The following PDE4B variants were observed in gnomAD, a reference collection of about 807,000 sequenced individuals.
The protein encoded by PDE4B is 3',5'-cyclic-AMP phosphodiesterase 4B.
In PDE4B, 20 loss-of-function variants were observed where a neutral mutation model predicts 82.2. The ratio of observed to expected loss-of-function variants is 0.24; its 90% CI spans 0.17 to 0.35. The LOEUF (loss-of-function observed/expected upper bound fraction) is 0.35. PDE4B is among the 10% of genes least tolerant of loss of function. The pLI is 1.00. For synonymous variants in PDE4B, 320 were observed against 318.9 expected, an observed-to-expected ratio of 1.00 and a Z score of -0.04; for missense variants, 655 against 907.2, an observed-to-expected ratio of 0.72 and a Z score of 3.57.
intron 1 of PDE4B, among the ~76,000 whole-genome samples, chr1:65,845,826 C>T (rs1452846667): frequency 6.6e-6 from 1 of 152,132 alleles, no homozygotes; most frequent in African/African-American, 2.4e-5. Flanking sequence ...TTCTGCATCT[C>T]CTTTCTCCGG....
chr1:65,879,494 T>C (rs1646686439), intron 1 of PDE4B, among the ~76,000 whole-genome samples: 1 of 152,114 alleles, frequency 6.6e-6, no homozygotes, highest in African/African-American at 2.4e-5. Context: ...TAAATATGTA[T>C]AAAATGTATT....
chr1:65,883,476 A>C (rs552061296), intron 1 of PDE4B, among the ~76,000 whole-genome samples: 88 of 152,140 alleles, frequency 5.8e-4, no homozygotes, highest in African/African-American at 1.7e-3. Context: ...TTGGTGTATA[A>C]GAATGCTTGT....
chr1:65,949,633 C>T (rs1036667099), intron 3 of PDE4B, among the ~76,000 whole-genome samples: 1 of 152,050 alleles, frequency 6.6e-6, no homozygotes, highest in African/African-American at 2.4e-5. Flanking sequence ...TTCTGCTTTA[C>T]CTGTCCCAAC....
intron 3 of PDE4B, among the ~76,000 whole-genome samples, chr1:66,028,347 G>A (rs1653567421): frequency 6.6e-6 from 1 of 152,138 alleles, no homozygotes; most frequent in Admixed American, 6.5e-5. Context: ...GCTACACACA[G>A]CATAGGGAAC....
At chr1:65,841,173 C>T (rs556384174) in intron 1 of PDE4B, among the ~76,000 whole-genome samples, 1 of 152,140 alleles carries the variant, frequency 6.6e-6, no homozygotes, top group East Asian at 1.9e-4. Flanking sequence ...TGGCACATGC[C>T]TGTAATCCCA....
At chr1:65,935,482 A>G (rs562839325) in intron 3 of PDE4B, among the ~76,000 whole-genome samples, 22 of 152,294 alleles carry the variant, frequency 1.4e-4, no homozygotes, top group African/African-American at 5.3e-4. Context: ...GGATGTTACT[A>G]TACACTACTA....
intron 3 of PDE4B, among the ~76,000 whole-genome samples, chr1:66,203,697 A>C (rs967082041): frequency 6.6e-6 from 1 of 152,114 alleles, no homozygotes; most frequent in Non-Finnish European, 1.5e-5. Flanking sequence ...TTTCAGCTCC[A>C]TCAGCTCCTT....
intron 3 of PDE4B, among the ~76,000 whole-genome samples, chr1:65,928,675 GTGTA>G (rs779489138): frequency 3.6e-4 from 55 of 152,272 alleles, no homozygotes; most frequent in Non-Finnish European, 4.1e-4. Context: ...TTGGTCAAGG[GTGTA>G]TCTTCTGGAC....
intron 7 of PDE4B, among the ~76,000 whole-genome samples, chr1:66,327,373 A>C (rs1210662305): frequency 6.6e-6 from 1 of 152,258 alleles, no homozygotes; most frequent in Non-Finnish European, 1.5e-5. Flanking sequence ...TTACACAGAC[A>C]CACAAACACA....
In PDE4B at chr1:66,266,019, C is replaced by A; in HGVS notation, c.585-19C>A. The A allele has an allele frequency of 1.2e-6, 2 of 1,608,000 alleles. No homozygotes were observed. The highest frequency in any genetic ancestry group is 1.7e-6 in the Non-Finnish European group (2 of 1,174,518). ...GTTTTGATACACAGACTCAGTCCTT[C>A]TTTTCTCTGTCTCCACAGGAGGTCC... On this transcript the variant is annotated intron_variant, in intron 6 of 16. Coordinates refer to ENST00000341517, the MANE Select transcript of PDE4B (RefSeq NM_002600.4).
At chr1:66,005,111 C>A (rs1416377567) in intron 3 of PDE4B, among the ~76,000 whole-genome samples, 1 of 152,076 alleles carries the variant, frequency 6.6e-6, no homozygotes, top group South Asian at 2.1e-4. Flanking sequence ...AGGTGTATTT[C>A]GGTATATGTA....
chr1:66,248,367 G>A (rs2101677974), intron 4 of PDE4B, among the ~76,000 whole-genome samples: 1 of 152,280 alleles, frequency 6.6e-6, no homozygotes, highest in South Asian at 2.1e-4. Context: ...AGATACAATT[G>A]TTTTTATATT....
chr1:65,941,552 ACCT>A (rs1257417936), intron 3 of PDE4B, among the ~76,000 whole-genome samples: 1 of 151,922 alleles, frequency 6.6e-6, no homozygotes, highest in Non-Finnish European at 1.5e-5. Flanking sequence ...TTTAAGATAT[ACCT>A]CATGAAATAG....
chr1:66,241,420 C>T (rs887470851), intron 3 of PDE4B, among the ~76,000 whole-genome samples: 1 of 152,110 alleles, frequency 6.6e-6, no homozygotes, highest in Non-Finnish European at 1.5e-5. Flanking sequence ...AAGTGATAGC[C>T]AATATAATCA....
At chr1:66,270,918 G>C (rs1022485721) in intron 7 of PDE4B, among the ~76,000 whole-genome samples, 19 of 152,234 alleles carry the variant, frequency 1.2e-4, no homozygotes, top group African/African-American at 4.3e-4. Flanking sequence ...CGCCTTCAGC[G>C]TTTAGACAGC....
At chr1:66,288,206 G>A (rs985654047) in intron 7 of PDE4B, among the ~76,000 whole-genome samples, 2 of 152,074 alleles carry the variant, frequency 1.3e-5, no homozygotes, top group East Asian at 1.9e-4. Flanking sequence ...CAGAGCAGGG[G>A]CAAGAGAGAG....
At chr1:66,212,009 A>G (rs1279685093) in intron 3 of PDE4B, among the ~76,000 whole-genome samples, 1 of 152,240 alleles carries the variant, frequency 6.6e-6, no homozygotes, top group Non-Finnish European at 1.5e-5. Context: ...AAAGTACTCC[A>G]GCACATTCCT....
intron 7 of PDE4B, among the ~76,000 whole-genome samples, chr1:66,328,757 G>T (rs908390182): frequency 2.6e-5 from 4 of 152,162 alleles, no homozygotes; most frequent in Non-Finnish European, 5.9e-5. Context: ...CCCAATCAGG[G>T]TATAGGCACA....
chr1:66,247,599 G>A lies in PDE4B; in HGVS notation c.421G>A (p.Asp141Asn), dbSNP rs1226958968. The A allele has an allele frequency of 4.4e-6, 7 of 1,606,756 alleles. No homozygotes were observed. The highest frequency in any genetic ancestry group is 2.3e-5 in the East Asian group (1 of 44,432). Residue 141 changes from aspartate to asparagine, a missense_variant, in exon 4 of 17, where the codon GAC becomes AAC. Around this residue, in one of 3 missense-constraint regions of PDE4B, gnomAD observed 253 missense variants for 275.6 expected, o/e 0.92. Transcript: ENST00000341517. ...GTCATTTCTCTACAGATCAGACAGC[G>A]ACTATGACTTGTCACCAAAGGCGAT... Reference protein sequence around the residue: ...RESFLYRSDSDYDLSPKAMSR... With the variant: ...RESFLYRSDSNYDLSPKAMSR...
Sources: gnomAD v4.1 joint callset for allele counts (sites outside exome capture counted in the v4.1 genomes callset) on GRCh38, gnomAD v4.1.1 for gene constraint, gnomAD v4.1.1 regional missense constraint, MANE v1.5 for transcripts, NCBI Gene and HGNC (gene_info 2026-07-23, HGNC 2026-07-21) for gene names.